XPNPEP1: variants seen among roughly 807,000 people sequenced by gnomAD.
XPNPEP1 encodes xaa-Pro aminopeptidase 1.
XPNPEP1 carries 39 observed loss-of-function variants against 92.4 expected under a neutral mutation model. The observed-to-expected ratio is 0.42, with a 90% CI of 0.33 to 0.55. XPNPEP1 has a LOEUF of 0.55. Among genes scored for constraint, XPNPEP1 ranks in the 20% least tolerant of loss-of-function variants. The pLI is 0.08. For synonymous variants in XPNPEP1, 307 were observed against 299.4 expected (o/e 1.03, Z -0.26); for missense variants, 654 against 856.1 (o/e 0.76, Z 2.95).
In XPNPEP1 at chr10:109,877,636, A is replaced by G. The variant is rs915064222; in HGVS notation, c.1319+154T>C. On this transcript the variant is annotated intron_variant, in intron 14 of 20. Coordinates refer to ENST00000502935, the MANE Select transcript of XPNPEP1 (RefSeq NM_020383.4). ...AGAGGCTTGGGGATTGGGAGAAAAT[A>G]AAATCTTAGAAGTCTTATTTCCCTT... The G allele has an allele frequency of 1.2e-5, 12 of 961,046 alleles. No individual in the cohort carries two copies. The South Asian group carries it at 1.9e-4, about 16-fold the overall frequency. 59.5% of individuals were successfully genotyped at this position (961,046 alleles called of 1,614,324 possible). A position where few individuals can be genotyped will look rare whatever the true frequency, so the allele number is the denominator to read the frequency against.
intron 12 of XPNPEP1, chr10:109,878,438 A>G (rs1487598519): frequency 1.1e-5 from 2 of 177,064 alleles, no homozygotes; most frequent in African/African-American, 4.8e-5. Context: ...ATAACAGCAA[A>G]AAATTAAAAA....
chr10:109,882,393 G>C, intron 10 of XPNPEP1, 39 bp downstream of exon 10: 1 of 1,593,772 alleles, frequency 6.3e-7, no homozygotes, highest in Non-Finnish European at 8.6e-7. Context: ...CTGGGAAGGG[G>C]GTGGCAGAGT....
chr10:109,868,530 G>C, intron 20 of XPNPEP1, 84 bp downstream of exon 20: 1 of 1,174,736 alleles, frequency 8.5e-7, no homozygotes, highest in South Asian at 1.4e-5. Flanking sequence ...AGAGAATTTA[G>C]GATTTAGAGG....
rs1290651763 is a variant in XPNPEP1, at chr10:109,867,322, G to A, written c.1872+1292C>T. ...CACTGGAAGGACTCTTCCTGCTGAA[G>A]AGACACACCAGACATTGTGCTGATA... is the stretch of plus-strand genomic sequence containing the variant. On this transcript the variant is annotated intron_variant, in intron 20 of 20. Transcript: ENST00000502935. This position sits in a 1 kb window ranked among gnomAD's most constrained non-coding sequence, Gnocchi z 4.5. 6.6e-6 allele frequency among the ~76,000 whole-genome samples: 1 copy of A among 152,244 alleles called. No homozygotes were observed. Among genetic ancestry groups the A allele is most frequent in the East Asian group, 1.9e-4 (1 of 5,194 alleles).
At chr10:109,884,280 C>T (rs1848268771) in intron 8 of XPNPEP1, 132 bp from the exon 9 acceptor site, 2 of 822,570 alleles carry the variant, frequency 2.4e-6, no homozygotes, top group Admixed American at 5.5e-5. Flanking sequence ...CACAGAAAGG[C>T]TGGAAGCCTG....
intron 1 of XPNPEP1, among the ~76,000 whole-genome samples, chr10:109,919,758 G>A (rs1341554310): frequency 6.6e-6 from 1 of 152,220 alleles, no homozygotes; most frequent in Non-Finnish European, 1.5e-5. Context: ...ATCACGCCAG[G>A]CGCGGTAGCT....
In XPNPEP1 at chr10:109,885,768, A is replaced by G. The variant is rs182940009; in HGVS notation, c.748+478T>C. Among the ~76,000 whole-genome samples the G allele has an allele frequency of 2.0e-5, 3 of 152,340 alleles. No homozygotes were observed. The East Asian group carries it at 5.8e-4, about 29-fold the overall frequency. ...ACTGCATGAAGGTGGGTTAAGGTCC[A>G]AAGACTGAGAAACTACTATTACATC... On this transcript the variant is annotated intron_variant, in intron 8 of 20. Coordinates refer to ENST00000502935, the MANE Select transcript of XPNPEP1 (RefSeq NM_020383.4).
chr10:109,882,605 C>T lies in XPNPEP1; in HGVS notation c.868G>A (p.Val290Met), dbSNP rs1273857230. 6.2e-7 allele frequency: 1 copy of T among 1,614,180 alleles called. No homozygotes were observed. ...AAGTCAAGAAGCAGGTGCTCCTTCA[C>T]ACTGGGGGCGTCTATGCGGTCACCA... ...IDGDRIDAPS[V>M]KEHLLLDLGL... The change falls in exon 10 of 21, where the codon GTG (valine) becomes ATG (methionine). Residue 290 changes from valine (V) to methionine (M), a missense_variant. Coordinates refer to ENST00000502935, the MANE Select transcript of XPNPEP1 (RefSeq NM_020383.4).
chr10:109,881,013 A>C (rs1453467961), intron 10 of XPNPEP1, 82 bp from the exon 11 acceptor site: 1 of 1,359,306 alleles, frequency 7.4e-7, no homozygotes, highest in African/African-American at 1.4e-5. Context: ...TTGCTCAGCA[A>C]AACTTACTTT....
Position 109,888,208 on chromosome 10 carries a change from G to A in XPNPEP1, c.509-16C>T. 1.9e-6 allele frequency: 3 copies of A among 1,607,536 alleles called. No homozygotes were observed. Among genetic ancestry groups the A allele is most frequent in the Non-Finnish European group, 2.5e-6 (3 of 1,179,582 alleles). On this transcript the variant is annotated splice_polypyrimidine_tract_variant and intron_variant, in intron 6 of 20. Coordinates refer to ENST00000502935, the MANE Select transcript of XPNPEP1 (RefSeq NM_020383.4). ...TTCCAATAATCTGAGGAGACACATT[G>A]TGGCCCAGCCATGAGCCGAACGCCC...
chr10:109,898,767 A>G (rs1849118254), intron 3 of XPNPEP1, among the ~76,000 whole-genome samples: 1 of 152,218 alleles, frequency 6.6e-6, no homozygotes, highest in South Asian at 2.1e-4. Context: ...TTCTAGAGAG[A>G]CACTAAAAGT....
At chr10:109,875,457 A>G in intron 15 of XPNPEP1, 71 bp downstream of exon 15, 1 of 1,417,500 alleles carries the variant, frequency 7.1e-7, no homozygotes, top group South Asian at 1.2e-5. Flanking sequence ...TCTCAGCTGG[A>G]GCTCAGCTGT....
chr10:109,899,629 A>G (rs768203401), intron 3 of XPNPEP1, among the ~76,000 whole-genome samples: 2 of 152,288 alleles, frequency 1.3e-5, no homozygotes, highest in Non-Finnish European at 2.9e-5. Flanking sequence ...TTTATGAAAT[A>G]CAAAACAAAA....
chr10:109,871,088 G>T, intron 17 of XPNPEP1, 184 bp from the exon 18 acceptor site: 1 of 628,962 alleles, frequency 1.6e-6, no homozygotes, highest in Non-Finnish European at 2.5e-6. Context: ...TCAGAGCTCA[G>T]TCTGAAGCTA....
At chr10:109,903,621 T>C (rs1849401942) in intron 3 of XPNPEP1, among the ~76,000 whole-genome samples, 1 of 152,112 alleles carries the variant, frequency 6.6e-6, no homozygotes, top group South Asian at 2.1e-4. Context: ...GGCCTAGGAC[T>C]GACAGGAAAC....
At chr10:109,892,984 C>T in intron 4 of XPNPEP1, 28 bp downstream of exon 4, 1 of 1,610,646 alleles carries the variant, frequency 6.2e-7, no homozygotes, top group Non-Finnish European at 8.5e-7. Context: ...AAAGGTGCAG[C>T]AAGAACAGAG....
Position 109,915,106 on chromosome 10 carries a change from G to T in XPNPEP1, c.33-7C>A. ...AAAATCCTGGTGATTCACCCTTAAGGAGAGAAAGAACAGGAAGTTGCAGAC... is the reference window on the plus strand; with the variant it reads ...AAAATCCTGGTGATTCACCCTTAAGTAGAGAAAGAACAGGAAGTTGCAGAC... On this transcript the variant is annotated splice_polypyrimidine_tract_variant and splice_region_variant and intron_variant, in intron 1 of 20. Transcript: ENST00000502935. 6.6e-7 allele frequency: 1 copy of T among 1,505,004 alleles called. No individual in the cohort carries two copies. The allele number at this position is 1,505,004 out of a possible 1,614,324, so 93.2% of individuals were successfully genotyped here. A position where few individuals can be genotyped will look rare whatever the true frequency, so the allele number is the denominator to read the frequency against.
At chr10:109,890,748 T>A (rs1489025930) in intron 5 of XPNPEP1, among the ~76,000 whole-genome samples, 1 of 152,160 alleles carries the variant, frequency 6.6e-6, no homozygotes, top group Non-Finnish European at 1.5e-5. Flanking sequence ...ATGTTCCTTG[T>A]TCCTCCCTAA....
intron 18 of XPNPEP1, among the ~76,000 whole-genome samples, chr10:109,870,441 A>T (rs940830882): frequency 5.5e-4 from 83 of 150,474 alleles, no homozygotes; most frequent in Non-Finnish European, 9.3e-4. Flanking sequence ...TCAATGATTT[A>T]AAAAAAAAAT....
Sources: gnomAD v4.1 joint callset for allele counts (sites outside exome capture counted in the v4.1 genomes callset) on GRCh38, gnomAD v4.1.1 for gene constraint, Gnocchi (gnomAD v3.1) non-coding constraint, MANE v1.5 for transcripts, NCBI Gene and HGNC (gene_info 2026-07-23, HGNC 2026-07-21) for gene names.